The following SNX29 variants were observed in gnomAD, a reference collection of about 807,000 sequenced individuals.
SNX29 encodes the protein sorting nexin 29, also known as sorting nexin-29.
In SNX29, 78 loss-of-function variants were observed where a neutral mutation model predicts 102.1. The observed-to-expected ratio is 0.76, with a 90% confidence interval of 0.64 to 0.92. SNX29 has a LOEUF of 0.92. Ranked by LOEUF, SNX29 falls within the 40% of genes least tolerant of loss-of-function variation. The pLI, the probability that SNX29 is intolerant of heterozygous loss-of-function variation, is 0.00. For synonymous variants in SNX29, 580 were observed against 414.5 expected (o/e 1.40, Z -4.85); for missense variants, 1,280 against 1,061.7 (o/e 1.21, Z -2.86).
chr16:12,233,228 T>A (rs1210327283), intron 14 of SNX29, among the ~76,000 whole-genome samples: 3 of 152,186 alleles, frequency 2.0e-5, no homozygotes, highest in Admixed American at 2.0e-4. Flanking sequence ...GAAAATGTGG[T>A]ACATATACAC....
At chr16:12,105,201 C>T (rs953198198) in intron 11 of SNX29, among the ~76,000 whole-genome samples, 2 of 140,988 alleles carry the variant, frequency 1.4e-5, no homozygotes, top group Admixed American at 1.5e-4. Context: ...TCCTTCCTCC[C>T]TTCCTCCCTC....
chr16:12,422,827 G>A (rs765240080), intron 18 of SNX29, among the ~76,000 whole-genome samples: 7 of 152,212 alleles, frequency 4.6e-5, no homozygotes, highest in Non-Finnish European at 7.3e-5. Context: ...TTTCACTTTT[G>A]TGAAGCCTGG....
At chr16:12,406,670 G>A (rs2084179086) in intron 18 of SNX29, among the ~76,000 whole-genome samples, 1 of 152,202 alleles carries the variant, frequency 6.6e-6, no homozygotes, top group African/African-American at 2.4e-5. Context: ...CACTTTGGGA[G>A]GCCGAGATGG....
intron 18 of SNX29, among the ~76,000 whole-genome samples, chr16:12,449,365 A>C (rs1011628712): frequency 1.3e-5 from 2 of 151,890 alleles, no homozygotes; most frequent in African/African-American, 2.4e-5. Context: ...GCTTGAGAAT[A>C]GGCACGGCAA....
chr16:12,499,469 C>A (rs1420379003), intron 19 of SNX29, among the ~76,000 whole-genome samples: 2 of 152,126 alleles, frequency 1.3e-5, no homozygotes, highest in Admixed American at 6.5e-5. Context: ...TCTTGGGGAT[C>A]CTCCCTTAGT....
At chr16:12,362,798 G>A (rs1177469774) in intron 16 of SNX29, among the ~76,000 whole-genome samples, 1 of 152,016 alleles carries the variant, frequency 6.6e-6, no homozygotes, top group East Asian at 1.9e-4. Flanking sequence ...CTGTCTTAAT[G>A]TCATGTTACA....
intron 14 of SNX29, among the ~76,000 whole-genome samples, chr16:12,240,585 CTTTT>C (rs1180028807): frequency 2.5e-3 from 162 of 64,772 alleles, no homozygotes; most frequent in Non-Finnish European, 4.0e-3. Flanking sequence ...TTTGTCATTT[CTTTT>C]TTTTTTTTTT....
intron 18 of SNX29, among the ~76,000 whole-genome samples, chr16:12,428,142 C>A (rs947421635): frequency 4.6e-5 from 7 of 152,274 alleles, no homozygotes; most frequent in African/African-American, 1.7e-4. Flanking sequence ...TGCCTCATCA[C>A]CCATCATGCA....
At chr16:12,497,059 C>T (rs1291759015) in intron 19 of SNX29, among the ~76,000 whole-genome samples, 4 of 152,186 alleles carry the variant, frequency 2.6e-5, no homozygotes, top group Non-Finnish European at 2.9e-5. Flanking sequence ...TGGTAGGATC[C>T]GGGGCCCTGG....
intron 13 of SNX29, among the ~76,000 whole-genome samples, chr16:12,155,709 AGT>A (rs2055518981): frequency 6.6e-6 from 1 of 152,070 alleles, no homozygotes; most frequent in African/African-American, 2.4e-5. Context: ...TGCAGCTGGG[AGT>A]GTGAGAGCAG....
At chr16:12,377,897 G>C (rs185660839) in intron 16 of SNX29, among the ~76,000 whole-genome samples, 2 of 152,146 alleles carry the variant, frequency 1.3e-5, no homozygotes, top group African/African-American at 4.8e-5. Context: ...GGGATTGAGG[G>C]TTTTCCTTTG....
chr16:12,559,738 A>T (rs1207941609), intron 20 of SNX29, among the ~76,000 whole-genome samples: 1 of 152,168 alleles, frequency 6.6e-6, no homozygotes, highest in Non-Finnish European at 1.5e-5. Context: ...TAGATGAAAT[A>T]GTGATGCCCA....
At chr16:12,566,150 G>A (rs949812843) in intron 20 of SNX29, among the ~76,000 whole-genome samples, 2 of 152,194 alleles carry the variant, frequency 1.3e-5, no homozygotes, top group Non-Finnish European at 2.9e-5. Context: ...TTTGCCTACA[G>A]AAACACAGCT....
At chr16:12,529,670 C>T (rs1295748411) in intron 20 of SNX29, among the ~76,000 whole-genome samples, 2 of 152,002 alleles carry the variant, frequency 1.3e-5, no homozygotes, top group Admixed American at 1.3e-4. Flanking sequence ...CTGGGTTTCC[C>T]CCGCCGCCGC....
intron 20 of SNX29, among the ~76,000 whole-genome samples, chr16:12,550,180 G>C (rs888342763): frequency 3.9e-5 from 6 of 152,188 alleles, no homozygotes; most frequent in Non-Finnish European, 8.8e-5. Context: ...AAATCTCCAT[G>C]ACATTATTAC....
chr16:12,126,505 A>G, intron 11 of SNX29, 128 bp from the exon 12 acceptor site: 1 of 943,520 alleles, frequency 1.1e-6, no homozygotes, highest in Non-Finnish European at 1.6e-6. Context: ...TATAGGAGTT[A>G]TTTTTGAAAG....
intron 16 of SNX29, among the ~76,000 whole-genome samples, chr16:12,365,358 G>GTGTGTGTGTGTGTGTGTGTA (rs1485263456): frequency 1.1e-3 from 167 of 150,466 alleles, no homozygotes; most frequent in Middle Eastern, 6.8e-3. Flanking sequence ...GTGTGTGTGT[G>GTGTGTGTGTGTGTGTGTGTA]TGTGTGTTTA....
intron 14 of SNX29, among the ~76,000 whole-genome samples, chr16:12,268,305 G>C (rs1318718115): frequency 6.6e-6 from 1 of 152,166 alleles, no homozygotes; most frequent in East Asian, 1.9e-4. Flanking sequence ...TCTAGTGCCT[G>C]GTACCTGGCA....
chr16:12,388,244 T>A (rs879004630), intron 16 of SNX29, among the ~76,000 whole-genome samples: 1 of 152,172 alleles, frequency 6.6e-6, no homozygotes, highest in Non-Finnish European at 1.5e-5. Context: ...AAAGTTGGCT[T>A]TGAATTATTG....
Sources: gnomAD v4.1 joint callset for allele counts (sites outside exome capture counted in the v4.1 genomes callset) on GRCh38, gnomAD v4.1.1 for gene constraint, MANE v1.5 for transcripts, NCBI Gene and HGNC (gene_info 2026-07-23, HGNC 2026-07-21) for gene names.